The following LMF1 variants were observed in gnomAD, a reference collection of about 807,000 sequenced individuals.
The protein encoded by LMF1 is transmembrane protein 112.
In LMF1, 68 loss-of-function variants were observed where a neutral mutation model predicts 60.6. That is an observed-to-expected ratio of 1.12 (90% confidence interval 0.92 to 1.37). LMF1 has a LOEUF of 1.37. Ranked by LOEUF, LMF1 falls within the 40% of genes most tolerant of loss-of-function variation. The pLI is 0.00. For missense variants in LMF1, 948 were observed against 767.2 expected (o/e 1.24, Z -2.78); for synonymous variants, 418 against 324.7 (o/e 1.29, Z -3.09).
chr16:963,471 G>A (rs541016184), intron 1 of LMF1, among the ~76,000 whole-genome samples: 10 of 152,198 alleles, frequency 6.6e-5, no homozygotes, highest in East Asian at 3.9e-4. Context: ...ATGTGTGCAC[G>A]GGTGTATGCA....
chr16:901,748 G>C (rs1379788208), intron 4 of LMF1: 1 of 152,308 alleles, frequency 6.6e-6, no homozygotes, highest in Non-Finnish European at 1.5e-5. Context: ...AGGCCATCTG[G>C]GTCCACGTGG....
At chr16:887,491 G>A (rs1014871736) in intron 5 of LMF1, among the ~76,000 whole-genome samples, 1 of 152,192 alleles carries the variant, frequency 6.6e-6, no homozygotes, top group African/African-American at 2.4e-5. Flanking sequence ...GGGCACGGGG[G>A]CGTGAGCCGA....
intron 10 of LMF1, among the ~76,000 whole-genome samples, chr16:863,899 A>G (rs1364412221): frequency 6.6e-6 from 1 of 152,254 alleles, no homozygotes; most frequent in Non-Finnish European, 1.5e-5. Context: ...TAGTTTAACT[A>G]CATCCCAGAA....
intron 1 of LMF1, chr16:976,051 A>G (rs2073133089): frequency 1.7e-5 from 5 of 291,300 alleles, no homozygotes; most frequent in Non-Finnish European, 2.5e-5. Flanking sequence ...GCTTGGAAGG[A>G]CGGACACAGG....
In LMF1 at chr16:939,445, G is replaced by A. The variant is rs1194244531; in HGVS notation, c.504-5191C>T. On this transcript the variant is annotated intron_variant, in intron 2 of 10. Coordinates refer to ENST00000262301, the MANE Select transcript of LMF1 (RefSeq NM_022773.4). ...AAAAACCAGGAACAACCAACGTGCC[G>A]GCCGGTGGGCTTGGCGCAATGAGCA... Among the ~76,000 whole-genome samples the A allele has an allele frequency of 3.3e-5, 5 of 152,244 alleles. No individual in the cohort carries two copies. The South Asian group carries it at 1.0e-3, about 31-fold the overall frequency.
intron 1 of LMF1, among the ~76,000 whole-genome samples, chr16:957,304 A>G (rs4984618): frequency 0.5 from 75,391 of 152,060 alleles, 20,917 homozygotes; most frequent in African/African-American, 0.75. Context: ...GTAACTGTGC[A>G]TGCTGGTTTG....
chr16:884,362 G>A (rs1026163799), intron 5 of LMF1, among the ~76,000 whole-genome samples: 2 of 152,208 alleles, frequency 1.3e-5, no homozygotes, highest in Non-Finnish European at 2.9e-5. Context: ...ATGTACATAA[G>A]GAGTTGTCAC....
intron 2 of LMF1, among the ~76,000 whole-genome samples, chr16:951,794 G>A (rs2072477025): frequency 6.6e-6 from 1 of 152,320 alleles, no homozygotes; most frequent in African/African-American, 2.4e-5. Flanking sequence ...TCCTCACCAA[G>A]AGCATGTGGT....
In LMF1 at chr16:921,840, A is replaced by G. The variant is rs77918126; in HGVS notation, c.515-10761T>C. On this transcript the variant is annotated intron_variant, in intron 3 of 10. Coordinates refer to ENST00000262301, the MANE Select transcript of LMF1 (RefSeq NM_022773.4). ...GTCCCCGTGCGGGTTTTACTATACA[A>G]TTCTTAGGAGAAAAACAAAGGTTAA... 2.3e-3 allele frequency among the ~76,000 whole-genome samples: 343 copies of G among 152,320 alleles called. 4 individuals are homozygous for G. The highest frequency in any genetic ancestry group is 7.6e-3 in the African/African-American group (317 of 41,554).
intron 3 of LMF1, among the ~76,000 whole-genome samples, chr16:920,682 C>G (rs369526772): frequency 6.6e-6 from 1 of 152,136 alleles, no homozygotes; most frequent in East Asian, 1.9e-4. Context: ...GGCAACCCCC[C>G]CAAATATTGG....
chr16:862,382 G>C (rs2069491429), intron 10 of LMF1, among the ~76,000 whole-genome samples: 1 of 152,062 alleles, frequency 6.6e-6, no homozygotes, highest in Non-Finnish European at 1.5e-5. Context: ...GACCTCAGGT[G>C]ATCTGCTCGC....
chr16:930,744 G>A (rs1273853176), intron 3 of LMF1, among the ~76,000 whole-genome samples: 1 of 152,244 alleles, frequency 6.6e-6, no homozygotes, highest in Non-Finnish European at 1.5e-5. Context: ...CCCACGCCGA[G>A]CCACGAGCCC....
Position 912,304 on chromosome 16 carries a change from T to G in LMF1, c.515-1225A>C, listed in dbSNP as rs368282702. Among the ~76,000 whole-genome samples the G allele has an allele frequency of 2.1e-4, 32 of 151,946 alleles. No individual in the cohort carries two copies. In the East Asian group the frequency reaches 4.8e-3, roughly 23 times the overall value. ...AGCGGACGGAGGCTTGTGGGGGCAG[T>G]GTCTACCTGCCACAGAGAGGACGGG... On this transcript the variant is annotated intron_variant, in intron 3 of 10. Coordinates refer to ENST00000262301, the MANE Select transcript of LMF1 (RefSeq NM_022773.4).
intron 2 of LMF1, among the ~76,000 whole-genome samples, chr16:944,910 T>C (rs1006397081): frequency 3.3e-5 from 4 of 120,708 alleles, no homozygotes; most frequent in Admixed American, 3.3e-4. Context: ...ACATATCTCT[T>C]GTTAGGTTAA....
rs7191898 is a variant in LMF1 at position 888,106 on chromosome 16, C to T, written c.729+4901G>A. On this transcript the variant is annotated intron_variant, in intron 5 of 10. Transcript: ENST00000262301. ...CGGCGGACGGAATTGTAGTTCTCCA[C>T]GACGTCGGCCCAAGCTCACAGACAG... Among the ~76,000 whole-genome samples, 24 of 152,242 alleles carry T rather than the reference C, an allele frequency of 1.6e-4. 1 individual carries two copies. The highest frequency in any genetic ancestry group is 5.2e-4 in the Admixed American group (8 of 15,294).
chr16:979,930 C>T (rs2073295639), intron 1 of LMF1: 5 of 360,252 alleles, frequency 1.4e-5, no homozygotes, highest in East Asian at 7.6e-5. Context: ...GCGGGGACCC[C>T]GAGCGGAGGG....
intron 10 of LMF1, chr16:855,491 C>T (rs946019134): frequency 2.6e-4 from 92 of 357,528 alleles, no homozygotes; most frequent in Middle Eastern, 1.0e-3. Flanking sequence ...GGCATTTTCT[C>T]CTGGGGGTGG....
chr16:981,340 GA>G (rs2073364616), upstream of LMF1: 7 of 307,816 alleles, frequency 2.3e-5, no homozygotes, highest in Admixed American at 3.4e-5. Flanking sequence ...GAGAGAGAGA[GA>G]GAGAGAGTGT....
intron 2 of LMF1, among the ~76,000 whole-genome samples, chr16:940,785 A>T (rs1179122774): frequency 6.6e-6 from 1 of 152,238 alleles, no homozygotes; most frequent in African/African-American, 2.4e-5. Context: ...ACTGCAGGGT[A>T]AAGGGATTCA....
Sources: allele counts gnomAD v4.1 joint callset (sites outside exome capture counted in the v4.1 genomes callset), GRCh38; gene constraint gnomAD v4.1.1; transcripts MANE v1.5; gene names NCBI Gene and HGNC (gene_info 2026-07-23, HGNC 2026-07-21).